MEMO1: variants seen among roughly 807,000 people sequenced by gnomAD.
MEMO1 encodes the protein mediator of cell motility 1.
A neutral mutation model predicts 45.2 loss-of-function variants in MEMO1; 6 were observed. The observed-to-expected ratio is 0.13, with a 90% CI of 0.07 to 0.26. The LOEUF (loss-of-function observed/expected upper bound fraction) is 0.26, where lower values mean the gene tolerates loss of function less well. Ranked by LOEUF, MEMO1 falls within the 10% of genes least tolerant of loss-of-function variation. MEMO1 has a pLI of 1.00. For synonymous variants in MEMO1, 78 were observed against 124.3 expected (o/e 0.63, Z 2.48); for missense variants, 184 against 370.5 (o/e 0.50, Z 4.13).
chr2:31,890,384 C>T (rs757978784), intron 7 of MEMO1, among the ~76,000 whole-genome samples: 6 of 152,008 alleles, frequency 3.9e-5, no homozygotes, highest in Non-Finnish European at 7.4e-5. Context: ...CACAAATTCA[C>T]AATATTAAGG....
intron 7 of MEMO1, among the ~76,000 whole-genome samples, chr2:31,887,673 G>C: frequency 6.6e-6 from 1 of 152,124 alleles, no homozygotes; most frequent in African/African-American, 2.4e-5. Context: ...AATCTGAAGT[G>C]CTAATGTATA....
chr2:31,890,470 C>T (rs890526859), intron 7 of MEMO1, among the ~76,000 whole-genome samples: 1 of 152,038 alleles, frequency 6.6e-6, no homozygotes, highest in African/African-American at 2.4e-5. Context: ...CACAGAAAGG[C>T]ACTCCTTTTA....
chr2:31,988,124 G>GT (rs1671495225), intron 2 of MEMO1, among the ~76,000 whole-genome samples: 1 of 152,112 alleles, frequency 6.6e-6, no homozygotes, highest in South Asian at 2.1e-4. Context: ...CAAGAAAGAA[G>GT]TAAGGATTTC....
At chr2:31,877,148 C>A (rs1488079422) in intron 8 of MEMO1, among the ~76,000 whole-genome samples, 1 of 152,242 alleles carries the variant, frequency 6.6e-6, no homozygotes, top group East Asian at 1.9e-4. Context: ...TGTGTGCCCA[C>A]TGACAGGCAC....
intron 2 of MEMO1, among the ~76,000 whole-genome samples, chr2:31,973,077 G>A (rs1669592908): frequency 1.3e-5 from 2 of 152,144 alleles, no homozygotes; most frequent in South Asian, 4.1e-4. Context: ...CAGTCACTGT[G>A]GAAAAGTTTG....
chr2:31,969,768 C>T (rs1254569848), intron 2 of MEMO1, among the ~76,000 whole-genome samples: 1 of 148,842 alleles, frequency 6.7e-6, no homozygotes, highest in African/African-American at 2.5e-5. Flanking sequence ...CATCACTACA[C>T]CCAACTAACT....
At chr2:31,872,399 C>G (rs1411110708) in intron 8 of MEMO1, among the ~76,000 whole-genome samples, 2 of 152,100 alleles carry the variant, frequency 1.3e-5, no homozygotes, top group Non-Finnish European at 2.9e-5. Context: ...GGACAGCTTA[C>G]CTTATAAATC....
rs564664702 is a variant in MEMO1, at chr2:31,869,802, T to A, written c.762+46A>T. 58 of 1,552,052 alleles carry A rather than the reference T, an allele frequency of 3.7e-5. No homozygotes were observed. In the African/African-American group the frequency reaches 7.9e-4, roughly 21 times the overall value. On this transcript the variant is annotated intron_variant, in intron 9 of 9. Coordinates refer to ENST00000404530, the MANE Select transcript of MEMO1 (RefSeq NM_001301833.4). ...ATCACAATGATAATATTTTGGAATA[T>A]CATATGACCAAATGTTAAAAGTCAA... is the stretch of plus-strand genomic sequence containing the variant.
At chr2:31,955,855 G>C (rs985365614) in intron 2 of MEMO1, among the ~76,000 whole-genome samples, 1 of 152,128 alleles carries the variant, frequency 6.6e-6, no homozygotes, top group Non-Finnish European at 1.5e-5. Flanking sequence ...TGATCCACTA[G>C]CCTCAGCCTC....
intron 2 of MEMO1, among the ~76,000 whole-genome samples, chr2:31,987,720 T>C (rs1671441012): frequency 6.6e-6 from 1 of 152,166 alleles, no homozygotes; most frequent in Non-Finnish European, 1.5e-5. Flanking sequence ...AAAATGATAA[T>C]GATGATATCA....
At chr2:31,925,094 G>T (rs1682881188) in intron 4 of MEMO1, among the ~76,000 whole-genome samples, 1 of 152,024 alleles carries the variant, frequency 6.6e-6, no homozygotes, top group South Asian at 2.1e-4. Context: ...TGGTCTTCTT[G>T]CAGTTCCTTG....
chr2:31,922,472 A>AACTTT (rs1682465411), intron 4 of MEMO1, among the ~76,000 whole-genome samples: 22 of 152,120 alleles, frequency 1.4e-4, no homozygotes, highest in Admixed American at 1.4e-3. Flanking sequence ...GAAACAGATT[A>AACTTT]TCCTTTTCTT....
At chr2:31,998,737 T>A (rs141648017) in intron 2 of MEMO1, among the ~76,000 whole-genome samples, 1 of 152,012 alleles carries the variant, frequency 6.6e-6, no homozygotes, top group Non-Finnish European at 1.5e-5. Context: ...GAGGCGGACA[T>A]TGCAGTGAGT....
At chr2:31,902,620 T>G (rs1253558287) in intron 6 of MEMO1, among the ~76,000 whole-genome samples, 1 of 152,238 alleles carries the variant, frequency 6.6e-6, no homozygotes, top group African/African-American at 2.4e-5. Flanking sequence ...AATTCTTTAG[T>G]AACACAGAGG....
intron 2 of MEMO1, among the ~76,000 whole-genome samples, chr2:32,001,329 G>A (rs950534818): frequency 2.6e-5 from 4 of 151,468 alleles, no homozygotes; most frequent in Admixed American, 6.6e-5. Flanking sequence ...TTGAGCCATC[G>A]CACCCGGCAG....
At chr2:31,883,342 GA>G in intron 8 of MEMO1, 43 bp downstream of exon 8, 2 of 1,308,950 alleles carry the variant, frequency 1.5e-6, no homozygotes, top group African/African-American at 1.5e-5. Flanking sequence ...TGAAATTAAA[GA>G]AAAAGCCTTA....
rs368718346 is a variant in MEMO1 at position 31,963,172 on chromosome 2, C to T, written c.62-19789G>A. The stretch of plus-strand genomic sequence containing the variant: ...CTTCAGACTCAAAGTGAAACCGCAC[C>T]GTCAGCTCTCCTGGGTCTCCAGCTT... On this transcript the variant is annotated intron_variant, in intron 2 of 9. Coordinates refer to ENST00000404530, the MANE Select transcript of MEMO1 (RefSeq NM_001301833.4). 2,184 of 1,540,532 alleles carry T rather than the reference C, an allele frequency of 1.4e-3. 49 individuals carry two copies. The South Asian group carries it at 0.024, about 17-fold the overall frequency.
At chr2:31,970,716 G>A (rs561391826) in intron 2 of MEMO1, among the ~76,000 whole-genome samples, 45 of 151,970 alleles carry the variant, frequency 3.0e-4, no homozygotes, top group African/African-American at 1.0e-3. Flanking sequence ...CAGGTTCAAA[G>A]ATATTCAGCC....
intron 6 of MEMO1, among the ~76,000 whole-genome samples, chr2:31,917,023 T>C (rs926563169): frequency 1.3e-5 from 2 of 152,182 alleles, no homozygotes; most frequent in African/African-American, 4.8e-5. Flanking sequence ...CTTTGGCTGA[T>C]CACAAGTACA....
Sources: allele counts gnomAD v4.1 joint callset (sites outside exome capture counted in the v4.1 genomes callset), GRCh38; gene constraint gnomAD v4.1.1; transcripts MANE v1.5; gene names NCBI Gene and HGNC (gene_info 2026-07-23, HGNC 2026-07-21).